SH3RF3: variants seen among roughly 807,000 people sequenced by gnomAD.
SH3RF3 encodes E3 ubiquitin-protein ligase SH3RF3.
SH3RF3 carries 29 observed loss-of-function variants against 66.3 expected under a neutral mutation model. The observed-to-expected ratio is 0.44, with a 90% CI of 0.33 to 0.60. The LOEUF (loss-of-function observed/expected upper bound fraction) is 0.60, where lower values mean the gene tolerates loss of function less well. Ranked by LOEUF, SH3RF3 falls within the 20% of genes least tolerant of loss-of-function variation. SH3RF3 has a pLI of 0.04. For missense variants in SH3RF3, 1,194 were observed against 1,190.9 expected (o/e 1.00, Z -0.04); for synonymous variants, 583 against 532.0 (o/e 1.10, Z -1.32).
chr2:109,449,346 A>G lies in SH3RF3; in HGVS notation c.2005A>G (p.Thr669Ala). The G allele has an allele frequency of 6.2e-7, 1 of 1,606,570 alleles. No individual in the cohort carries two copies. The highest frequency in any genetic ancestry group is 8.5e-7 in the Non-Finnish European group (1 of 1,175,862). ...QMCPRPAIPLTSAASAITPPN... is the reference protein window; with the variant it reads ...QMCPRPAIPLASAASAITPPN... ...GTGCCCACGGCCGGCCATCCCCCTC[A>G]CATCAGCAGCATCAGCCATCACACC... Residue 669 changes from threonine to alanine, a missense_variant, in exon 8 of 10, where the codon ACA (threonine) becomes GCA (alanine). By Grantham distance (58) the Thr-to-Ala change is moderately conservative. Transcript: ENST00000309415.
chr2:109,501,978 T>G lies in SH3RF3; in HGVS notation c.*307T>G. ...CGCAGGCAGGCCTGTGGCTGTGGTTTGCAGCCATGGCAGCGTTCTCATTTA... is the reference window on the plus strand; with the variant it reads ...CGCAGGCAGGCCTGTGGCTGTGGTTGGCAGCCATGGCAGCGTTCTCATTTA... On this transcript the variant is annotated 3_prime_UTR_variant, in exon 10 of 10. Transcript: ENST00000309415. The G allele has an allele frequency of 3.1e-6, 1 of 320,770 alleles. No homozygotes were observed. Among genetic ancestry groups the G allele is most frequent in the South Asian group, 5.6e-5 (1 of 17,984 alleles). The allele number at this position is 320,770 out of a possible 1,614,324, so 19.9% of individuals were successfully genotyped here. A position where few individuals can be genotyped will look rare whatever the true frequency, so the allele number is the denominator to read the frequency against.
chr2:109,452,719 G>A (rs1198738597), intron 8 of SH3RF3, among the ~76,000 whole-genome samples: 1 of 152,172 alleles, frequency 6.6e-6, no homozygotes, highest in Non-Finnish European at 1.5e-5. Context: ...GCTGGTTCCC[G>A]GGAGGCTTGT....
At chr2:109,248,770 T>TC (rs1679982352) in intron 1 of SH3RF3, among the ~76,000 whole-genome samples, 1 of 151,176 alleles carries the variant, frequency 6.6e-6, no homozygotes, top group Admixed American at 6.6e-5. Flanking sequence ...CTCTCTCTCT[T>TC]TCTCTTCTTT....
At chr2:109,436,381 G>C (rs116362679) in intron 6 of SH3RF3, among the ~76,000 whole-genome samples, 1,525 of 152,300 alleles carry the variant, frequency 0.01, 31 homozygotes, top group African/African-American at 0.035. Context: ...TCTATTTCTG[G>C]TATGGAACTG....
At chr2:109,208,580 C>G (rs910789378) in intron 1 of SH3RF3, among the ~76,000 whole-genome samples, 2 of 152,240 alleles carry the variant, frequency 1.3e-5, no homozygotes, top group Admixed American at 6.5e-5. Context: ...GAGCTGTTCC[C>G]ACCAAGCTCT....
chr2:109,359,224 C>G (rs930203094), intron 2 of SH3RF3, among the ~76,000 whole-genome samples: 4 of 152,036 alleles, frequency 2.6e-5, no homozygotes, highest in Admixed American at 2.6e-4. Context: ...GGCCCTTGTT[C>G]TTCTCCTTCA....
intron 1 of SH3RF3, among the ~76,000 whole-genome samples, chr2:109,140,034 A>G (rs1287521211): frequency 6.6e-6 from 1 of 152,302 alleles, no homozygotes; most frequent in East Asian, 1.9e-4. Context: ...AACTGTGCCT[A>G]CATAACTCAC....
At chr2:109,264,238 C>T (rs1222071355) in intron 1 of SH3RF3, among the ~76,000 whole-genome samples, 2 of 148,788 alleles carry the variant, frequency 1.3e-5, no homozygotes, top group Non-Finnish European at 3.0e-5. Flanking sequence ...TGTGGGTGCT[C>T]CCTGTCCACC....
intron 8 of SH3RF3, among the ~76,000 whole-genome samples, chr2:109,489,645 C>T (rs148977526): frequency 6.6e-6 from 1 of 151,634 alleles, no homozygotes; most frequent in Non-Finnish European, 1.5e-5. Context: ...AATGGCATCA[C>T]TGGCCTGCCC....
intron 1 of SH3RF3, among the ~76,000 whole-genome samples, chr2:109,190,999 T>C (rs2105022368): frequency 6.6e-6 from 1 of 151,840 alleles, no homozygotes; most frequent in African/African-American, 2.4e-5. Flanking sequence ...AGTTAGCACA[T>C]TGTTTCTGTA....
At chr2:109,462,016 C>T (rs1192053792) in intron 8 of SH3RF3, among the ~76,000 whole-genome samples, 1 of 152,042 alleles carries the variant, frequency 6.6e-6, no homozygotes, top group Non-Finnish European at 1.5e-5. Context: ...TGTGCCCCCA[C>T]ACCACCAAAC....
intron 3 of SH3RF3, among the ~76,000 whole-genome samples, chr2:109,391,462 G>A (rs1023745342): frequency 5.3e-5 from 8 of 152,196 alleles, no homozygotes; most frequent in African/African-American, 1.2e-4. Flanking sequence ...TGGCAGGGCC[G>A]GCGGCCTCAC....
intron 1 of SH3RF3, among the ~76,000 whole-genome samples, chr2:109,210,896 AC>A (rs1415124976): frequency 6.6e-6 from 1 of 151,438 alleles, no homozygotes; most frequent in African/African-American, 2.4e-5. Context: ...GGAAAACACA[AC>A]CCCACTTGAC....
chr2:109,460,518 T>C (rs1319026141), intron 8 of SH3RF3, among the ~76,000 whole-genome samples: 2 of 152,242 alleles, frequency 1.3e-5, no homozygotes. Flanking sequence ...TGTTCATGGG[T>C]CCACTGGGCA....
At chr2:109,263,563 G>A (rs1680409141) in intron 1 of SH3RF3, among the ~76,000 whole-genome samples, 1 of 152,210 alleles carries the variant, frequency 6.6e-6, no homozygotes. Flanking sequence ...GAGCCAGGTA[G>A]AGAATTTGCT....
At chr2:109,348,067 C>T (rs1341915034) in intron 2 of SH3RF3, 118 bp downstream of exon 2, 45 of 1,352,732 alleles carry the variant, frequency 3.3e-5, no homozygotes, top group Admixed American at 7.4e-5. Context: ...AATCCTGGCT[C>T]CTCCCGGAAC....
At chr2:109,305,236 G>C (rs987333825) in intron 1 of SH3RF3, among the ~76,000 whole-genome samples, 2 of 152,180 alleles carry the variant, frequency 1.3e-5, no homozygotes, top group Admixed American at 6.5e-5. Context: ...TTAACCTGCT[G>C]ACGGTTTCCC....
chr2:109,225,424 A>G (rs1376343713), intron 1 of SH3RF3, among the ~76,000 whole-genome samples: 1 of 152,200 alleles, frequency 6.6e-6, no homozygotes, highest in Middle Eastern at 3.2e-3. Flanking sequence ...CAGGTTTCAC[A>G]ACGATTCTCA....
intron 1 of SH3RF3, among the ~76,000 whole-genome samples, chr2:109,240,712 C>T (rs1679757059): frequency 6.6e-6 from 1 of 152,128 alleles, no homozygotes; most frequent in African/African-American, 2.4e-5. Flanking sequence ...TCCCTCCCTC[C>T]CACCTCTGAG....
Sources: gnomAD v4.1 joint callset for allele counts (sites outside exome capture counted in the v4.1 genomes callset) on GRCh38, gnomAD v4.1.1 for gene constraint, MANE v1.5 for transcripts, NCBI Gene and HGNC (gene_info 2026-07-23, HGNC 2026-07-21) for gene names.